Variants in CDKAL1 observed in about 807,000 individuals in gnomAD.
CDKAL1 encodes CDKAL1 threonylcarbamoyladenosine tRNA methylthiotransferase.
A neutral mutation model predicts 68.2 loss-of-function variants in CDKAL1; 32 were observed. That is an observed-to-expected ratio of 0.47 (90% CI 0.35 to 0.63). The LOEUF (loss-of-function observed/expected upper bound fraction) is 0.63, where lower values mean the gene tolerates loss of function less well. Ranked by LOEUF, CDKAL1 falls within the 30% of genes least tolerant of loss-of-function variation. CDKAL1 has a pLI of 0.00. For missense variants in CDKAL1, 606 were observed against 696.7 expected, an observed-to-expected ratio of 0.87 and a Z score of 1.47; for synonymous variants, 234 against 244.3, an observed-to-expected ratio of 0.96 and a Z score of 0.39.
intron 5 of CDKAL1, among the ~76,000 whole-genome samples, chr6:20,664,769 A>G (rs1336694911): frequency 6.6e-6 from 1 of 152,128 alleles, no homozygotes; most frequent in Non-Finnish European, 1.5e-5. Flanking sequence ...ATTCTCTTCT[A>G]TCTAGGCTGC....
intron 9 of CDKAL1, among the ~76,000 whole-genome samples, chr6:20,895,795 A>G (rs1761649232): frequency 6.6e-6 from 1 of 152,202 alleles, no homozygotes; most frequent in Non-Finnish European, 1.5e-5. Flanking sequence ...TACCATACCC[A>G]AAAACATGTC....
chr6:20,620,033 G>A (rs1423833434), intron 4 of CDKAL1, among the ~76,000 whole-genome samples: 1 of 152,166 alleles, frequency 6.6e-6, no homozygotes, highest in Non-Finnish European at 1.5e-5. Context: ...TAAATTATCT[G>A]TGCAAGCGAA....
At chr6:20,854,495 A>G (rs1759214954) in intron 9 of CDKAL1, among the ~76,000 whole-genome samples, 1 of 152,234 alleles carries the variant, frequency 6.6e-6, no homozygotes, top group South Asian at 2.1e-4. Context: ...TAGAAAAGGT[A>G]TGATAACAGT....
At chr6:20,826,632 T>C (rs1362405438) in intron 8 of CDKAL1, among the ~76,000 whole-genome samples, 2 of 152,168 alleles carry the variant, frequency 1.3e-5, no homozygotes, top group East Asian at 1.9e-4. Context: ...GCGAGATGCA[T>C]GTGAGTCATA....
chr6:21,170,851 A>G (rs1479156875), intron 13 of CDKAL1, among the ~76,000 whole-genome samples: 2 of 152,174 alleles, frequency 1.3e-5, no homozygotes, highest in Admixed American at 6.5e-5. Context: ...CTGTTAGGCT[A>G]TTTAGAAGAC....
chr6:21,138,637 C>T (rs1562063120), intron 13 of CDKAL1, among the ~76,000 whole-genome samples: 1 of 152,140 alleles, frequency 6.6e-6, no homozygotes, highest in Non-Finnish European at 1.5e-5. Context: ...TTTCCTTTCC[C>T]TTTCTTCTAA....
rs557152231 is a variant in CDKAL1 at position 20,933,664 on chromosome 6, T to TA, written c.743-21753dup. Among the ~76,000 whole-genome samples the TA allele has an allele frequency of 9.2e-5, 14 of 152,364 alleles. 1 individual carries two copies. The East Asian group carries it at 2.7e-3, about 29-fold the overall frequency. ...CATTTTGTAACTAATTGCTATGTTC[T>TA]AATCACAGATTGCTTTCTATTTGTC... On this transcript the variant is annotated intron_variant, in intron 9 of 15. Coordinates refer to ENST00000274695, the MANE Select transcript of CDKAL1 (RefSeq NM_017774.3).
intron 8 of CDKAL1, among the ~76,000 whole-genome samples, chr6:20,818,412 G>A (rs1361951365): frequency 6.6e-6 from 1 of 151,992 alleles, no homozygotes; most frequent in Non-Finnish European, 1.5e-5. Context: ...TATCTCTTTT[G>A]AGTGTTTTGT....
At position 21,092,262 on chromosome 6, in the gene CDKAL1, T is replaced by TC. The variant is rs939370658; in HGVS notation, c.1237-16139_1237-16138insC. Among the ~76,000 whole-genome samples the TC allele has an allele frequency of 1.1e-4, 16 of 151,680 alleles. No homozygotes were observed. In the East Asian group the frequency reaches 2.3e-3, roughly 22 times the overall value. On this transcript the variant is annotated intron_variant, in intron 12 of 15. Transcript: ENST00000274695. ...GTTTAGATTAACTGATTCTTTTTTT[T>TC]TTTTTTTTAAGTTCCGGGATACATG...
intron 15 of CDKAL1, among the ~76,000 whole-genome samples, chr6:21,224,833 C>T (rs906404898): frequency 7.2e-5 from 11 of 152,106 alleles, no homozygotes; most frequent in Non-Finnish European, 1.5e-4. Flanking sequence ...TCCCTAGTAA[C>T]CCTATTTCAT....
At chr6:20,541,999 C>T (rs1763410517) in intron 2 of CDKAL1, among the ~76,000 whole-genome samples, 1 of 152,242 alleles carries the variant, frequency 6.6e-6, no homozygotes, top group South Asian at 2.1e-4. Context: ...CGTATGTTAA[C>T]TATAATCCAG....
At chr6:20,658,838 C>T (rs573951146) in intron 5 of CDKAL1, among the ~76,000 whole-genome samples, 96 of 152,076 alleles carry the variant, frequency 6.3e-4, no homozygotes, top group African/African-American at 2.1e-3. Context: ...TTTTTGAGAC[C>T]GGGTCTCGTT....
At chr6:20,895,076 A>G (rs1217092892) in intron 9 of CDKAL1, among the ~76,000 whole-genome samples, 3 of 152,020 alleles carry the variant, frequency 2.0e-5, no homozygotes, top group East Asian at 1.9e-4. Flanking sequence ...TTTTTTCTCT[A>G]TGTGTATGTT....
intron 5 of CDKAL1, among the ~76,000 whole-genome samples, chr6:20,718,055 T>G (rs1285469296): frequency 6.6e-6 from 1 of 152,180 alleles, no homozygotes; most frequent in East Asian, 1.9e-4. Flanking sequence ...GAGATGTTCT[T>G]TTTGTTCAGG....
At chr6:20,565,161 A>G (rs575472896) in intron 4 of CDKAL1, among the ~76,000 whole-genome samples, 1 of 152,192 alleles carries the variant, frequency 6.6e-6, no homozygotes, top group Admixed American at 6.5e-5. Context: ...ATATTTTTAA[A>G]TGAACAGCAT....
At chr6:20,900,604 T>C (rs1238108620) in intron 9 of CDKAL1, among the ~76,000 whole-genome samples, 1 of 152,116 alleles carries the variant, frequency 6.6e-6, no homozygotes, top group African/African-American at 2.4e-5. Flanking sequence ...ATTCAAAGAG[T>C]TTCCCCCTGA....
At chr6:20,608,652 G>GTT (rs1215309252) in intron 4 of CDKAL1, among the ~76,000 whole-genome samples, 1 of 152,200 alleles carries the variant, frequency 6.6e-6, no homozygotes, top group Middle Eastern at 3.2e-3. Flanking sequence ...TATGTCTGAA[G>GTT]TTGCCCGCAG....
chr6:21,205,688 G>T (rs1031873554), intron 15 of CDKAL1, among the ~76,000 whole-genome samples: 3 of 150,382 alleles, frequency 2.0e-5, no homozygotes, highest in African/African-American at 4.9e-5. Context: ...CCGCCACCAC[G>T]CCCAGCTAAT....
intron 9 of CDKAL1, among the ~76,000 whole-genome samples, chr6:20,852,521 T>C (rs1037531731): frequency 1.3e-5 from 2 of 152,222 alleles, no homozygotes; most frequent in African/African-American, 4.8e-5. Flanking sequence ...AAAGACATTT[T>C]TTGGGAGAAC....
Sources: gnomAD v4.1 joint callset for allele counts (sites outside exome capture counted in the v4.1 genomes callset) on GRCh38, gnomAD v4.1.1 for gene constraint, MANE v1.5 for transcripts, NCBI Gene and HGNC (gene_info 2026-07-23, HGNC 2026-07-21) for gene names.